The following R3HDM2 variants were observed in gnomAD, a reference collection of about 807,000 sequenced individuals.
R3HDM2 encodes R3H domain containing 2, also known as R3H domain-containing protein 2.
R3HDM2 carries 38 observed loss-of-function variants against 124.5 expected under a neutral mutation model. That is an observed-to-expected ratio of 0.31 (90% CI 0.24 to 0.40). The LOEUF (loss-of-function observed/expected upper bound fraction) is 0.40, where lower values mean the gene tolerates loss of function less well. Ranked by LOEUF, R3HDM2 falls within the 10% of genes least tolerant of loss-of-function variation. The probability of loss-of-function intolerance (pLI) is 1.00; values close to 1 mark genes in which losing one functional copy is unlikely to be tolerated. For synonymous variants in R3HDM2, 391 were observed against 448.0 expected (o/e 0.87, Z 1.61); for missense variants, 869 against 1,236.9 (o/e 0.70, Z 4.46).
At chr12:57,307,685 G>C (rs1227370098) in intron 3 of R3HDM2, among the ~76,000 whole-genome samples, 1 of 150,248 alleles carries the variant, frequency 6.7e-6, no homozygotes, top group Non-Finnish European at 1.5e-5. Flanking sequence ...GGAGTGCAGT[G>C]GTACAATCTT....
At chr12:57,363,964 A>C (rs889572993) in intron 2 of R3HDM2, among the ~76,000 whole-genome samples, 1 of 151,934 alleles carries the variant, frequency 6.6e-6, no homozygotes, top group African/African-American at 2.4e-5. Context: ...TTTCCTCTTC[A>C]ATTTTGAAAG....
chr12:57,322,593 T>C (rs1472486322), intron 2 of R3HDM2, among the ~76,000 whole-genome samples: 1 of 152,224 alleles, frequency 6.6e-6, no homozygotes, highest in Non-Finnish European at 1.5e-5. Context: ...AACCTCCATG[T>C]TGTCTGATTC....
At position 57,268,975 on chromosome 12, in the gene R3HDM2, C is replaced by G. The variant is rs1375604992; in HGVS notation, c.1822G>C (p.Gly608Arg). 23 of 1,614,112 alleles carry G rather than the reference C, an allele frequency of 1.4e-5. No homozygotes were observed. The highest frequency in any genetic ancestry group is 1.9e-5 in the Non-Finnish European group (23 of 1,180,050). ...GLLSSQRSSM[G>R]GQMQGLVVQY... ...ACCACCAGGCCTTGCATCTGGCCCC[C>G]CATGCTGCTCCTCTGGCTGCTGAGC... The change falls in exon 17 of 24, where the codon GGG becomes CGG. Residue 608 changes from glycine to arginine, a missense_variant. By Grantham distance (125) the Gly-to-Arg change is moderately radical (BLOSUM62 -2). This residue lies in a region of R3HDM2 where 602 missense variants were observed against 789.2 expected (regional missense o/e 0.76). Transcript: ENST00000402412.
chr12:57,264,119 G>C (rs1321581907), intron 19 of R3HDM2, among the ~76,000 whole-genome samples: 2 of 151,886 alleles, frequency 1.3e-5, no homozygotes, highest in Admixed American at 1.3e-4. Context: ...GCATGTGCCT[G>C]TAATCCCAGC....
chr12:57,404,494 G>A (rs1248145794), intron 1 of R3HDM2, among the ~76,000 whole-genome samples: 5 of 150,616 alleles, frequency 3.3e-5, no homozygotes, highest in Admixed American at 6.6e-5. Flanking sequence ...TCAAGAGATC[G>A]AGACCATCCT....
intron 2 of R3HDM2, among the ~76,000 whole-genome samples, chr12:57,355,170 C>T (rs2061119148): frequency 6.6e-6 from 1 of 151,604 alleles, no homozygotes; most frequent in Non-Finnish European, 1.5e-5. Context: ...TTAAGAAACA[C>T]TTCTTGGCCG....
At chr12:57,413,879 C>A (rs1204528233) in intron 1 of R3HDM2, among the ~76,000 whole-genome samples, 1 of 139,874 alleles carries the variant, frequency 7.1e-6, no homozygotes, top group South Asian at 2.6e-4. Context: ...TGGAGTCTCA[C>A]GCTGTCACCT....
chr12:57,274,792 A>C (rs2044311651), intron 14 of R3HDM2, among the ~76,000 whole-genome samples: 2 of 152,228 alleles, frequency 1.3e-5, no homozygotes, highest in Admixed American at 1.3e-4. Flanking sequence ...GGAAAACTAC[A>C]AAACACTGCT....
intron 12 of R3HDM2, among the ~76,000 whole-genome samples, chr12:57,288,157 C>A (rs1309204978): frequency 1.3e-5 from 2 of 151,758 alleles, no homozygotes; most frequent in East Asian, 3.9e-4. Flanking sequence ...AGGCACCCAC[C>A]ACCACGCCTG....
At chr12:57,417,751 T>C (rs1403129255) in intron 1 of R3HDM2, among the ~76,000 whole-genome samples, 5 of 152,216 alleles carry the variant, frequency 3.3e-5, no homozygotes, top group Non-Finnish European at 7.4e-5. Context: ...CTCTAAAGAA[T>C]ATAGCACGTG....
In R3HDM2 at chr12:57,370,403, G is replaced by T. The variant is rs552085289; in HGVS notation, c.-36+25346C>A. On this transcript the variant is annotated intron_variant, in intron 2 of 23. Transcript: ENST00000402412. ...CACAGCACTTTGGGAGGCCCGGGGG[G>T]GGGGGGCGGGGTGGATCACCTGAGG... Among the ~76,000 whole-genome samples the T allele has an allele frequency of 4.5e-5, 6 of 134,656 alleles. 1 individual carries two copies. Among genetic ancestry groups the T allele is most frequent in the South Asian group, 2.8e-4 (1 of 3,628 alleles). 88.3% of individuals were successfully genotyped at this position (134,656 alleles called of 152,430 possible). A position where few individuals can be genotyped will look rare whatever the true frequency, so the allele number is the denominator to read the frequency against.
At chr12:57,307,306 G>GTTTT (rs770961900) in intron 3 of R3HDM2, among the ~76,000 whole-genome samples, 1 of 133,494 alleles carries the variant, frequency 7.5e-6, no homozygotes, top group South Asian at 2.2e-4. Flanking sequence ...GAAATGCTGG[G>GTTTT]TTTTTTTGTT....
chr12:57,334,165 C>T (rs1224577293), intron 2 of R3HDM2, among the ~76,000 whole-genome samples: 3 of 152,206 alleles, frequency 2.0e-5, no homozygotes. Flanking sequence ...GCTCAATTCA[C>T]AGATAGGTGG....
chr12:57,355,335 T>C (rs1436750268), intron 2 of R3HDM2, among the ~76,000 whole-genome samples: 1 of 150,716 alleles, frequency 6.6e-6, no homozygotes, highest in Non-Finnish European at 1.5e-5. Context: ...GGCAGGCGCC[T>C]ATAGTCCCAA....
chr12:57,415,989 G>A (rs1455567909), intron 1 of R3HDM2, among the ~76,000 whole-genome samples: 1 of 152,160 alleles, frequency 6.6e-6, no homozygotes, highest in Non-Finnish European at 1.5e-5. Flanking sequence ...AGCATGTTGA[G>A]ATAACTGAAG....
intron 2 of R3HDM2, chr12:57,341,119 A>G (rs1479180723): frequency 6.6e-6 from 1 of 152,206 alleles, no homozygotes; most frequent in Non-Finnish European, 1.5e-5. Context: ...CCAAAACTCA[A>G]CCAAAATTAT....
At chr12:57,291,482 C>T (rs2048576556) in intron 11 of R3HDM2, among the ~76,000 whole-genome samples, 1 of 151,320 alleles carries the variant, frequency 6.6e-6, no homozygotes, top group African/African-American at 2.4e-5. Flanking sequence ...AGTGAGACCC[C>T]ATCTCTACAA....
intron 2 of R3HDM2, among the ~76,000 whole-genome samples, chr12:57,372,772 A>ATT (rs1409955754): frequency 6.6e-6 from 1 of 152,234 alleles, no homozygotes; most frequent in African/African-American, 2.4e-5. Flanking sequence ...ATAGCACTCA[A>ATT]TATTTTGCTA....
intron 2 of R3HDM2, among the ~76,000 whole-genome samples, chr12:57,364,778 C>A (rs945768054): frequency 6.7e-6 from 1 of 150,220 alleles, no homozygotes; most frequent in African/African-American, 2.5e-5. Context: ...CATAGTGAAA[C>A]CCTGTCTCTA....
Sources: gnomAD v4.1 joint callset for allele counts (sites outside exome capture counted in the v4.1 genomes callset) on GRCh38, gnomAD v4.1.1 for gene constraint, gnomAD v4.1.1 regional missense constraint, MANE v1.5 for transcripts, NCBI Gene and HGNC (gene_info 2026-07-23, HGNC 2026-07-21) for gene names.